EPHX1: variants seen among roughly 807,000 people sequenced by gnomAD.
EPHX1 encodes epoxide hydrolase 1, also known as epoxide hydratase.
Under a neutral mutation model 43.2 loss-of-function variants are expected in EPHX1, and 40 were observed. That is an observed-to-expected ratio of 0.93 (90% CI 0.72 to 1.21). The LOEUF is 1.21. Ranked by LOEUF, EPHX1 falls within the 50% of genes most tolerant of loss-of-function variation. The pLI is 0.00. For missense variants in EPHX1, 550 were observed against 570.4 expected (o/e 0.96, Z 0.36); for synonymous variants, 221 against 226.7 (o/e 0.98, Z 0.22).
chr1:225,845,105 G>A (rs1356593938), intron 8 of EPHX1, 41 bp from the exon 9 acceptor site: 3 of 1,610,390 alleles, frequency 1.9e-6, no homozygotes, highest in Non-Finnish European at 2.5e-6. Flanking sequence ...GAGGGGCGCA[G>A]GGCCACAGCC....
intron 7 of EPHX1, 92 bp from the exon 8 acceptor site, chr1:225,844,406 C>G: frequency 6.2e-7 from 1 of 1,600,624 alleles, no homozygotes; most frequent in Non-Finnish European, 8.6e-7. Context: ...GCCGCATGGG[C>G]AGGGCCTGGC....
At position 225,837,890 on chromosome 1, in the gene EPHX1, GA is replaced by G. The variant is rs551925821; in HGVS notation, c.365-757del. 2.5e-3 allele frequency among the ~76,000 whole-genome samples: 378 copies of G among 152,226 alleles called. 1 individual carries two copies. The highest frequency in any genetic ancestry group is 8.8e-3 in the African/African-American group (365 of 41,544). ...AAGGTGACATTTTGTCAATGTGTAT[GA>G]AAAAAATTATGCATTTAATACCTGT... is the stretch of plus-strand genomic sequence containing the variant. On this transcript the variant is annotated intron_variant, in intron 3 of 8. Transcript: ENST00000272167.
intron 1 of EPHX1, among the ~76,000 whole-genome samples, chr1:225,819,933 T>C (rs1006948807): frequency 6.6e-6 from 1 of 152,174 alleles, no homozygotes; most frequent in African/African-American, 2.4e-5. Context: ...AGAACATTGC[T>C]AGCAGTCTGC....
At chr1:225,845,020 T>C in intron 8 of EPHX1, 126 bp from the exon 9 acceptor site, 2 of 1,077,582 alleles carry the variant, frequency 1.9e-6, no homozygotes, top group Non-Finnish European at 2.8e-6. Context: ...GGATTTGTCC[T>C]TTTCTTTATG....
In EPHX1 at chr1:225,835,453, A is replaced by G. The variant is rs569345195; in HGVS notation, c.365-3201A>G. On this transcript the variant is annotated intron_variant, in intron 3 of 8. Coordinates refer to ENST00000272167, the MANE Select transcript of EPHX1 (RefSeq NM_001136018.4). ...CACCCAGGCTGGAGTGCAGTGACGC[A>G]ATCTCGACTCACTGCAAGCTCCGCC... is the stretch of plus-strand genomic sequence containing the variant. Among the ~76,000 whole-genome samples the G allele has an allele frequency of 3.2e-3, 452 of 143,168 alleles. 1 individual carries two copies. The highest frequency in any genetic ancestry group is 5.1e-3 in the Non-Finnish European group (341 of 67,044). The allele number at this position is 143,168 out of a possible 152,430, so 93.9% of individuals were successfully genotyped here. A position where few individuals can be genotyped will look rare whatever the true frequency, so the allele number is the denominator to read the frequency against.
chr1:225,839,104 C>G (rs1668152136), intron 4 of EPHX1, 113 bp from the exon 5 acceptor site: 8 of 1,553,358 alleles, frequency 5.2e-6, no homozygotes, highest in Non-Finnish European at 7.0e-6. Context: ...GTGAGCTTTT[C>G]TGACCTCCAC....
intron 1 of EPHX1, among the ~76,000 whole-genome samples, chr1:225,819,765 T>C (rs1666899723): frequency 6.6e-6 from 1 of 152,212 alleles, no homozygotes; most frequent in South Asian, 2.1e-4. Context: ...CACAAGGTAC[T>C]GTCTGGGCCC....
intron 1 of EPHX1, among the ~76,000 whole-genome samples, chr1:225,819,357 G>A (rs1180542991): frequency 3.3e-5 from 5 of 151,824 alleles, no homozygotes; most frequent in South Asian, 2.1e-4. Flanking sequence ...AGCCGAGATC[G>A]TGCCACTGCA....
In EPHX1 at chr1:225,844,636, G is replaced by C; in HGVS notation, c.1166+13G>C. The C allele has an allele frequency of 6.2e-7, 1 of 1,613,756 alleles. No homozygotes were observed. The highest frequency in any genetic ancestry group is 2.2e-5 in the East Asian group (1 of 44,870). On this transcript the variant is annotated intron_variant, in intron 8 of 8. Coordinates refer to ENST00000272167, the MANE Select transcript of EPHX1 (RefSeq NM_001136018.4). ...AGAAGCATGAGCGGTGAGCCTGGCTGAGCCGAGAACAGGGGCCTCTGAGGC... is the reference window on the plus strand; with the variant it reads ...AGAAGCATGAGCGGTGAGCCTGGCTCAGCCGAGAACAGGGGCCTCTGAGGC...
rs1668130058 is a variant in EPHX1 at position 225,838,888 on chromosome 1, G to A, written c.592+7G>A. 2 of 1,613,492 alleles carry A rather than the reference G, an allele frequency of 1.2e-6. No individual in the cohort carries two copies. Among genetic ancestry groups the A allele is most frequent in the Non-Finnish European group, 1.7e-6 (2 of 1,179,542 alleles). On this transcript the variant is annotated splice_region_variant and intron_variant, in intron 4 of 8. Transcript: ENST00000272167. ...GAGGCATCCTCCAAGAAGGGTACGG[G>A]GCTGCTAGAGGTTCCATAACTGCCC...
chr1:225,841,744 G>T (rs1398927083), intron 6 of EPHX1, among the ~76,000 whole-genome samples: 1 of 151,748 alleles, frequency 6.6e-6, no homozygotes, highest in Non-Finnish European at 1.5e-5. Flanking sequence ...TGGGATTACA[G>T]GCATGCACCA....
Position 225,828,869 on chromosome 1 carries a change from G to A in EPHX1, c.140G>A (p.Ser47Asn). 6.2e-7 allele frequency: 1 copy of A among 1,604,372 alleles called. No homozygotes were observed. The highest frequency in any genetic ancestry group is 8.5e-7 in the Non-Finnish European group (1 of 1,174,216). Residue 47 changes from serine (S) to asparagine (N), a missense_variant, in exon 2 of 9, where the codon AGC (serine) becomes AAC (asparagine). Transcript: ENST00000272167. ...AGGTCCGCAGCCAGGGAGGACGACAGCATCCGCCCTTTCAAGGTGGAAACG... is the reference window on the plus strand; with the variant it reads ...AGGTCCGCAGCCAGGGAGGACGACAACATCCGCCCTTTCAAGGTGGAAACG... ...GTRSAAREDD[S>N]IRPFKVETSD... is the part of the protein sequence containing the mutation.
At chr1:225,826,802 G>T (rs910364282) in intron 1 of EPHX1, among the ~76,000 whole-genome samples, 4 of 152,100 alleles carry the variant, frequency 2.6e-5, no homozygotes, top group African/African-American at 9.7e-5. Flanking sequence ...CTGGTCCAGG[G>T]GAGGGGGCGA....
intron 1 of EPHX1, among the ~76,000 whole-genome samples, chr1:225,811,862 G>C (rs1451743724): frequency 6.6e-6 from 1 of 152,220 alleles, no homozygotes; most frequent in Non-Finnish European, 1.5e-5. Context: ...ACAGCGGGGA[G>C]CATGCCCTCG....
rs1219662579 is a variant in EPHX1 at position 225,832,173 on chromosome 1, CA to C, written c.364+216del. ...AGAGCTAGGCAGGAACACATACATG[CA>C]ATTTAAAAACCAAAGAAATGCACCA... On this transcript the variant is annotated intron_variant, in intron 3 of 8. Transcript: ENST00000272167. 5 of 591,150 alleles carry C rather than the reference CA, an allele frequency of 8.5e-6. No homozygotes were observed. In the East Asian group the frequency reaches 1.5e-4, roughly 18 times the overall value. The allele number at this position is 591,150 out of a possible 1,614,324, so 36.6% of individuals were successfully genotyped here.
At chr1:225,838,956 C>A in intron 4 of EPHX1, 75 bp downstream of exon 4, 1 of 1,539,126 alleles carries the variant, frequency 6.5e-7, no homozygotes, top group Non-Finnish European at 9.0e-7. Context: ...CCAGGCTCTC[C>A]TTCCGGCGGG....
At chr1:225,832,688 AT>A (rs1667680901) in intron 3 of EPHX1, among the ~76,000 whole-genome samples, 1 of 152,230 alleles carries the variant, frequency 6.6e-6, no homozygotes, top group Non-Finnish European at 1.5e-5. Context: ...CAGAATCCCG[AT>A]TCTCCAAATC....
At chr1:225,833,737 G>A (rs1667754313) in intron 3 of EPHX1, among the ~76,000 whole-genome samples, 1 of 149,840 alleles carries the variant, frequency 6.7e-6, no homozygotes. Context: ...GGAGCTTGTG[G>A]TGAGCTGAGA....
chr1:225,833,712 G>C (rs550644871), intron 3 of EPHX1, among the ~76,000 whole-genome samples: 1 of 150,802 alleles, frequency 6.6e-6, no homozygotes, highest in Non-Finnish European at 1.5e-5. Context: ...GGAGAATGGC[G>C]TGAACCCAGG....
Sources: allele counts gnomAD v4.1 joint callset (sites outside exome capture counted in the v4.1 genomes callset), GRCh38; gene constraint gnomAD v4.1.1; transcripts MANE v1.5; gene names NCBI Gene and HGNC (gene_info 2026-07-23, HGNC 2026-07-21).